Variants in KIAA1217 observed in about 807,000 individuals in gnomAD.
KIAA1217 encodes the protein KIAA1217.
In KIAA1217, 88 loss-of-function variants were observed where a neutral mutation model predicts 163.9. The ratio of observed to expected loss-of-function variants is 0.54; its 90% confidence interval spans 0.45 to 0.64. The LOEUF (loss-of-function observed/expected upper bound fraction) is 0.64. KIAA1217 is among the 30% of genes least tolerant of loss of function. The probability of loss-of-function intolerance (pLI) is 0.00; values close to 1 mark genes in which losing one functional copy is unlikely to be tolerated. For missense variants in KIAA1217, 2,372 were observed against 2,475.0 expected (o/e 0.96, Z 0.88); for synonymous variants, 903 against 923.1 (o/e 0.98, Z 0.39).
At chr10:23,975,100 A>G (rs1357157698) in intron 1 of KIAA1217, among the ~76,000 whole-genome samples, 1 of 152,194 alleles carries the variant, frequency 6.6e-6, no homozygotes, top group Non-Finnish European at 1.5e-5. Context: ...GAAAAGAGCT[A>G]AGGAGATGGC....
chr10:23,941,240 G>A (rs1475743661), intron 1 of KIAA1217, among the ~76,000 whole-genome samples: 3 of 152,126 alleles, frequency 2.0e-5, no homozygotes, highest in East Asian at 1.9e-4. Flanking sequence ...TTAACAATAC[G>A]TTTATAAACA....
chr10:24,377,815 T>A (rs1324386277), intron 2 of KIAA1217, among the ~76,000 whole-genome samples: 1 of 152,188 alleles, frequency 6.6e-6, no homozygotes, highest in African/African-American at 2.4e-5. Flanking sequence ...TATGTGAGCA[T>A]CCTAGCAGCT....
chr10:24,326,070 C>T (rs561303223), intron 2 of KIAA1217, among the ~76,000 whole-genome samples: 2 of 152,190 alleles, frequency 1.3e-5, no homozygotes, highest in East Asian at 3.9e-4. Context: ...ACTCCAGGAC[C>T]GTCTAAAAGA....
intron 5 of KIAA1217, among the ~76,000 whole-genome samples, chr10:24,466,289 T>A (rs1233264181): frequency 6.6e-6 from 1 of 150,902 alleles, no homozygotes; most frequent in Non-Finnish European, 1.5e-5. Flanking sequence ...GCTGGTTGTT[T>A]GCCCTTTCTA....
intron 3 of KIAA1217, among the ~76,000 whole-genome samples, chr10:24,430,016 C>T (rs1195805617): frequency 6.6e-6 from 1 of 152,128 alleles, no homozygotes; most frequent in Non-Finnish European, 1.5e-5. Context: ...TGTAGTGGTT[C>T]TCTCCTATGG....
At chr10:24,059,290 C>T (rs749813779) in intron 2 of KIAA1217, among the ~76,000 whole-genome samples, 8 of 151,782 alleles carry the variant, frequency 5.3e-5, no homozygotes. Flanking sequence ...AGTATTTTGT[C>T]GGGGGTTGTT....
chr10:23,825,872 G>A lies in KIAA1217; in HGVS notation c.-321+130638G>A, dbSNP rs543781270. Reference sequence around the variant, plus strand: ...AAGTCACTCATTCTTTCTGACACTCGGTGTTTTTATGGGCAAAATGGGGTT... The same window carrying A: ...AAGTCACTCATTCTTTCTGACACTCAGTGTTTTTATGGGCAAAATGGGGTT... On this transcript the variant is annotated intron_variant, in intron 1 of 18. Transcript: ENST00000376462. Among the ~76,000 whole-genome samples the A allele has an allele frequency of 1.9e-4, 29 of 152,228 alleles. 1 individual carries two copies. In the South Asian group the frequency reaches 5.8e-3, roughly 31 times the overall value.
chr10:24,028,350 T>C (rs754993811), intron 2 of KIAA1217, among the ~76,000 whole-genome samples: 7 of 151,904 alleles, frequency 4.6e-5, no homozygotes, highest in Non-Finnish European at 1.0e-4. Flanking sequence ...TGCACAACCA[T>C]AAAAAGTGAA....
At chr10:24,071,256 G>A (rs943172339) in intron 2 of KIAA1217, among the ~76,000 whole-genome samples, 14 of 152,094 alleles carry the variant, frequency 9.2e-5, no homozygotes, top group Admixed American at 5.9e-4. Context: ...AAAACATTGC[G>A]AGTTTTGTTT....
Position 23,829,466 on chromosome 10 carries a change from A to G in KIAA1217, c.-321+134232A>G, listed in dbSNP as rs557886776. Among the ~76,000 whole-genome samples the G allele has an allele frequency of 2.0e-5, 3 of 152,338 alleles. 1 individual carries two copies. In the South Asian group the frequency reaches 6.2e-4, roughly 32 times the overall value. On this transcript the variant is annotated intron_variant, in intron 1 of 18. Coordinates refer to the KIAA1217 transcript ENST00000376462. Reference sequence around the variant, plus strand: ...AATATACAAAAGGAGAAAACTGCAGAAACAAAATCCCTTCACAGTGATCTG... The same window carrying G: ...AATATACAAAAGGAGAAAACTGCAGGAACAAAATCCCTTCACAGTGATCTG...
At chr10:23,811,775 A>G (rs1479600915) in intron 1 of KIAA1217, among the ~76,000 whole-genome samples, 1 of 152,120 alleles carries the variant, frequency 6.6e-6, no homozygotes, top group Admixed American at 6.6e-5. Flanking sequence ...CTGGATCTGG[A>G]CAGGGGGAAG....
At position 24,520,646 on chromosome 10, in the gene KIAA1217, A is replaced by T. The variant is rs1438073643; in HGVS notation, c.2308+393A>T. 1.9e-4 allele frequency among the ~76,000 whole-genome samples: 17 copies of T among 90,092 alleles called. No individual in the cohort carries two copies. In the East Asian group the frequency reaches 6.2e-3, roughly 33 times the overall value. 59.1% of individuals were successfully genotyped at this position (90,092 alleles called of 152,430 possible). On this transcript the variant is annotated intron_variant, in intron 11 of 20. Coordinates refer to ENST00000376454, the MANE Select transcript of KIAA1217 (RefSeq NM_019590.5). ...CTCTACCAAAAAAAAAAAAAAAAAA[A>T]AAAAAATATATATATATATATATAT...
At chr10:24,206,222 C>T (rs990293532), upstream of KIAA1217, among the ~76,000 whole-genome samples, 6 of 152,258 alleles carry the variant, frequency 3.9e-5, no homozygotes, top group East Asian at 3.9e-4. Context: ...AAGTTCTTCC[C>T]GCTTTCCTTA....
chr10:23,905,099 A>C (rs1484644579), intron 1 of KIAA1217, among the ~76,000 whole-genome samples: 1 of 122,018 alleles, frequency 8.2e-6, no homozygotes, highest in Non-Finnish European at 1.6e-5. Context: ...CAGAGTAATC[A>C]CTTACCATAT....
intron 1 of KIAA1217, among the ~76,000 whole-genome samples, chr10:23,702,767 C>T (rs1322435294): frequency 6.6e-6 from 1 of 151,934 alleles, no homozygotes; most frequent in African/African-American, 2.4e-5. Flanking sequence ...TATAATCACT[C>T]TACTGAACAG....
chr10:24,501,753 T>C (rs1464634294), intron 9 of KIAA1217, among the ~76,000 whole-genome samples: 1 of 122,100 alleles, frequency 8.2e-6, no homozygotes, highest in East Asian at 2.3e-4. Context: ...TTTTTTTTTT[T>C]TTTTTTTTTT....
chr10:24,476,691 C>T (rs896073393), intron 6 of KIAA1217, among the ~76,000 whole-genome samples: 1 of 152,120 alleles, frequency 6.6e-6, no homozygotes, highest in African/African-American at 2.4e-5. Context: ...AATTTTATCT[C>T]ATACATCTTG....
chr10:23,961,711 G>A (rs370349171), intron 1 of KIAA1217, among the ~76,000 whole-genome samples: 23 of 152,146 alleles, frequency 1.5e-4, no homozygotes, highest in Admixed American at 7.2e-4. Flanking sequence ...AAAAGTTGCC[G>A]TAACAAAGCA....
At chr10:23,837,680 T>A (rs1346395574) in intron 1 of KIAA1217, among the ~76,000 whole-genome samples, 2 of 152,104 alleles carry the variant, frequency 1.3e-5, no homozygotes, top group African/African-American at 2.4e-5. Context: ...ACTACAGGCA[T>A]GTGCCACTAT....
Sources: gnomAD v4.1 joint callset for allele counts (sites outside exome capture counted in the v4.1 genomes callset) on GRCh38, gnomAD v4.1.1 for gene constraint, MANE v1.5 for transcripts, NCBI Gene and HGNC (gene_info 2026-07-23, HGNC 2026-07-21) for gene names.